RBFOX1: variants seen among roughly 807,000 people sequenced by gnomAD.
RBFOX1 encodes the protein RNA binding fox-1 homolog 1, also known as RNA binding protein fox-1 homolog 1.
In RBFOX1, 8 loss-of-function variants were observed where a neutral mutation model predicts 57.7. That is an observed-to-expected ratio of 0.14 (90% CI 0.08 to 0.25). RBFOX1 has a LOEUF of 0.25. RBFOX1 is among the 10% of genes least tolerant of loss of function. The pLI is 1.00. For missense variants in RBFOX1, 611 were observed against 548.5 expected (o/e 1.11, Z -1.14); for synonymous variants, 326 against 222.4 (o/e 1.47, Z -4.15).
intron 4 of RBFOX1, among the ~76,000 whole-genome samples, chr16:7,423,417 A>G (rs1427590018): frequency 6.6e-6 from 1 of 152,084 alleles, no homozygotes; most frequent in Admixed American, 6.6e-5. Context: ...GTCATACTAA[A>G]AGATATTTGG....
At chr16:7,014,883 C>T (rs916381999) in intron 3 of RBFOX1, among the ~76,000 whole-genome samples, 1 of 152,030 alleles carries the variant, frequency 6.6e-6, no homozygotes, top group Non-Finnish European at 1.5e-5. Flanking sequence ...TGCCACCACA[C>T]CCGGCTAATT....
At chr16:7,216,947 AC>A (rs1265648870) in intron 4 of RBFOX1, among the ~76,000 whole-genome samples, 2 of 150,370 alleles carry the variant, frequency 1.3e-5, no homozygotes, top group Non-Finnish European at 3.0e-5. Context: ...TCAGGAATGC[AC>A]CCAGGGCACA....
intron 1 of RBFOX1, among the ~76,000 whole-genome samples, chr16:5,272,165 G>A (rs540264624): frequency 2.6e-5 from 4 of 152,172 alleles, no homozygotes; most frequent in Non-Finnish European, 4.4e-5. Context: ...GCACAGCAGC[G>A]TGACTATAGT....
At chr16:6,888,480 G>C (rs2064660765) in intron 3 of RBFOX1, among the ~76,000 whole-genome samples, 1 of 151,942 alleles carries the variant, frequency 6.6e-6, no homozygotes, top group South Asian at 2.1e-4. Flanking sequence ...TCGGTTCAGG[G>C]GGAAATTAAA....
At chr16:5,681,393 T>C (rs1267266834) in intron 3 of RBFOX1, among the ~76,000 whole-genome samples, 6 of 145,232 alleles carry the variant, frequency 4.1e-5, no homozygotes, top group East Asian at 2.0e-4. Context: ...TTTTTTCTTT[T>C]TTTTTTTTTT....
At chr16:7,240,988 C>A (rs912012396) in intron 4 of RBFOX1, among the ~76,000 whole-genome samples, 1 of 152,188 alleles carries the variant, frequency 6.6e-6, no homozygotes, top group Non-Finnish European at 1.5e-5. Context: ...CCTTCCCAAA[C>A]AATTCTCTTA....
intron 3 of RBFOX1, among the ~76,000 whole-genome samples, chr16:6,696,056 T>A (rs569798910): frequency 6.6e-6 from 1 of 152,342 alleles, no homozygotes; most frequent in East Asian, 1.9e-4. Context: ...TTGAGGCAAT[T>A]GTTGTATCTA....
intron 2 of RBFOX1, among the ~76,000 whole-genome samples, chr16:6,638,958 C>T (rs919628602): frequency 5.9e-5 from 9 of 152,296 alleles, no homozygotes; most frequent in African/African-American, 2.2e-4. Context: ...GAAAATATTG[C>T]TTCCCAAGAA....
intron 3 of RBFOX1, among the ~76,000 whole-genome samples, chr16:5,856,271 A>ATGTG (rs2057051405): frequency 2.7e-5 from 1 of 37,488 alleles, no homozygotes; most frequent in African/African-American, 9.2e-5. Context: ...GTATATATAT[A>ATGTG]TACACATATA....
chr16:5,649,551 T>G (rs143343636), intron 3 of RBFOX1, among the ~76,000 whole-genome samples: 380 of 152,296 alleles, frequency 2.5e-3, no homozygotes, highest in Non-Finnish European at 4.7e-3. Flanking sequence ...TTAATAAAAC[T>G]AAAAACAGAA....
chr16:7,428,424 T>A (rs1300120497), intron 4 of RBFOX1, among the ~76,000 whole-genome samples: 1 of 148,556 alleles, frequency 6.7e-6, no homozygotes, highest in African/African-American at 2.5e-5. Context: ...CCTCCTGGGT[T>A]CTAGTGATTC....
At chr16:6,396,158 G>A (rs1267563837) in intron 2 of RBFOX1, among the ~76,000 whole-genome samples, 1 of 150,796 alleles carries the variant, frequency 6.6e-6, no homozygotes, top group Non-Finnish European at 1.5e-5. Flanking sequence ...ATCATAGATA[G>A]CAATTATAAA....
chr16:6,806,758 A>T (rs372241206), intron 3 of RBFOX1, among the ~76,000 whole-genome samples: 5 of 138,282 alleles, frequency 3.6e-5, no homozygotes, highest in Admixed American at 7.5e-5. Flanking sequence ...TTCTTTTTCT[A>T]TTTTTTCTTT....
At chr16:6,982,899 A>G (rs896528330) in intron 3 of RBFOX1, among the ~76,000 whole-genome samples, 2 of 145,836 alleles carry the variant, frequency 1.4e-5, no homozygotes, top group South Asian at 2.3e-4. Context: ...AGGCTGAGGC[A>G]GGGAGAACAA....
At chr16:6,317,111 T>C (rs2081206258) in intron 2 of RBFOX1, 54 bp downstream of exon 2, 7 of 1,443,238 alleles carry the variant, frequency 4.9e-6, no homozygotes, top group Admixed American at 2.0e-5. Flanking sequence ...ATGTCTTTGA[T>C]CCTGTTCTCT....
intron 3 of RBFOX1, among the ~76,000 whole-genome samples, chr16:6,890,689 C>G (rs1222700862): frequency 6.6e-6 from 1 of 152,128 alleles, no homozygotes; most frequent in East Asian, 1.9e-4. Flanking sequence ...CCCCAGTTTC[C>G]TGGGATTTCC....
At chr16:7,084,441 A>G (rs1486502797) in intron 4 of RBFOX1, among the ~76,000 whole-genome samples, 2 of 152,226 alleles carry the variant, frequency 1.3e-5, no homozygotes, top group Non-Finnish European at 2.9e-5. Flanking sequence ...GTGAATTTGC[A>G]TGGACCTAGT....
intron 3 of RBFOX1, among the ~76,000 whole-genome samples, chr16:5,828,811 GA>G (rs1356165360): frequency 6.6e-6 from 1 of 152,226 alleles, no homozygotes; most frequent in African/African-American, 2.4e-5. Flanking sequence ...CCTGTAGGCT[GA>G]AAAGAGAGTA....
chr16:6,455,585 C>G (rs536913558), intron 2 of RBFOX1, among the ~76,000 whole-genome samples: 23 of 152,312 alleles, frequency 1.5e-4, no homozygotes, highest in African/African-American at 5.5e-4. Context: ...CACTCCTTTT[C>G]TTTTCCAAGA....
Sources: gnomAD v4.1 joint callset for allele counts (sites outside exome capture counted in the v4.1 genomes callset) on GRCh38, gnomAD v4.1.1 for gene constraint, MANE v1.5 for transcripts, NCBI Gene and HGNC (gene_info 2026-07-23, HGNC 2026-07-21) for gene names.